Variants in GPHN observed in about 807,000 individuals in gnomAD.
GPHN encodes the protein gephyrin.
In GPHN, 17 loss-of-function variants were observed where a neutral mutation model predicts 95.5. The observed-to-expected ratio is 0.18, with a 90% CI of 0.12 to 0.27. The LOEUF (loss-of-function observed/expected upper bound fraction) is 0.27, where lower values mean the gene tolerates loss of function less well. Ranked by LOEUF, GPHN falls within the 10% of genes least tolerant of loss-of-function variation. The pLI is 1.00. For missense variants in GPHN, 660 were observed against 978.1 expected (o/e 0.67, Z 4.34); for synonymous variants, 320 against 322.5 (o/e 0.99, Z 0.08).
the GPHN span, among the ~76,000 whole-genome samples, chr14:67,637,276 G>A: frequency 0.12 from 18,766 of 151,830 alleles, 1,422 homozygotes; most frequent in South Asian, 0.33. Flanking sequence ...TGGGCATGGT[G>A]GTGCATGCCT....
chr14:67,596,252 C>G, the GPHN span, among the ~76,000 whole-genome samples: 1 of 148,650 alleles, frequency 6.7e-6, no homozygotes, highest in Non-Finnish European at 1.5e-5. Context: ...CCTCAGCCTC[C>G]CTAGTAGCTG....
intron 2 of GPHN, among the ~76,000 whole-genome samples, chr14:66,762,449 A>G (rs1274713563): frequency 6.6e-6 from 1 of 152,048 alleles, no homozygotes; most frequent in Admixed American, 6.6e-5. Context: ...AATGATAATT[A>G]CCTTTCCATG....
intron 1 of GPHN, among the ~76,000 whole-genome samples, chr14:66,610,496 C>T (rs991396042): frequency 6.6e-6 from 1 of 152,046 alleles, no homozygotes; most frequent in Non-Finnish European, 1.5e-5. Flanking sequence ...ATATTTTGGT[C>T]TCTCTTGGTG....
At chr14:67,735,282 G>A in the GPHN span, 1 of 930,132 alleles carries the variant, frequency 1.1e-6, no homozygotes, top group Non-Finnish European at 1.8e-6. Flanking sequence ...ATCGCCTCGT[G>A]CTCAGGCTAC....
At chr14:67,695,800 G>C in the GPHN span, 1 of 1,160,348 alleles carries the variant, frequency 8.6e-7, no homozygotes, top group Non-Finnish European at 1.3e-6. Flanking sequence ...AATTGCGACA[G>C]CCCGGGGAGC....
the GPHN span, among the ~76,000 whole-genome samples, chr14:67,389,550 A>G: frequency 6.6e-6 from 1 of 152,026 alleles, no homozygotes; most frequent in African/African-American, 2.4e-5. Flanking sequence ...GTTTCCATCT[A>G]TGTATGTATA....
chr14:66,535,279 A>G (rs369439514), intron 1 of GPHN, among the ~76,000 whole-genome samples: 27 of 152,276 alleles, frequency 1.8e-4, no homozygotes, highest in African/African-American at 6.0e-4. Context: ...CACTTTTGAT[A>G]TAAATCAGGT....
chr14:67,395,625 G>C, the GPHN span: 1 of 1,579,690 alleles, frequency 6.3e-7, no homozygotes, highest in Non-Finnish European at 8.7e-7. Context: ...CTCAGGCAGA[G>C]CAAGAGGACG....
chr14:67,392,249 C>T, the GPHN span: 5 of 991,932 alleles, frequency 5.0e-6, no homozygotes, highest in African/African-American at 1.6e-5. Context: ...TCAGCCCTTC[C>T]CTTCTTCTGG....
chr14:67,574,592 G>A, the GPHN span, among the ~76,000 whole-genome samples: 663 of 152,296 alleles, frequency 4.4e-3, 8 homozygotes, highest in African/African-American at 0.015. The surrounding 1 kb of genome is among the most constrained non-coding windows in gnomAD (Gnocchi z 4.2). Flanking sequence ...GTGATTCCCC[G>A]GAAACAAATC....
chr14:66,738,269 C>G (rs1248636121), intron 2 of GPHN, among the ~76,000 whole-genome samples: 2 of 152,158 alleles, frequency 1.3e-5, no homozygotes, highest in African/African-American at 4.8e-5. Context: ...TTTTCTGTTT[C>G]AGTTTAAAAT....
At chr14:66,771,424 T>A (rs1177506134) in intron 2 of GPHN, among the ~76,000 whole-genome samples, 1 of 152,158 alleles carries the variant, frequency 6.6e-6, no homozygotes, top group Non-Finnish European at 1.5e-5. Flanking sequence ...AACAAGACAT[T>A]CTTGAAGAAG....
intron 1 of GPHN, among the ~76,000 whole-genome samples, chr14:66,545,469 C>T (rs868028684): frequency 4.8e-4 from 64 of 133,172 alleles, no homozygotes; most frequent in Middle Eastern, 4.3e-3. Context: ...TGGGCAGAGG[C>T]GCCCCTCACC....
chr14:66,936,869 T>C (rs1283051696), intron 8 of GPHN, among the ~76,000 whole-genome samples: 3 of 152,256 alleles, frequency 2.0e-5, no homozygotes, highest in African/African-American at 7.2e-5. Flanking sequence ...TGCATTTCTA[T>C]GGACAGGAAT....
chr14:67,005,677 G>T (rs765754588), intron 9 of GPHN, among the ~76,000 whole-genome samples: 3 of 151,904 alleles, frequency 2.0e-5, no homozygotes, highest in Admixed American at 1.3e-4. Context: ...AAGCGTCAAT[G>T]CATTGGTTGA....
At chr14:67,121,063 T>A (rs1320529875) in intron 16 of GPHN, among the ~76,000 whole-genome samples, 1 of 152,198 alleles carries the variant, frequency 6.6e-6, no homozygotes, top group Non-Finnish European at 1.5e-5. Flanking sequence ...TAAGCTCTGG[T>A]GTTGGCCATA....
At chr14:66,950,193 A>T (rs1270367668) in intron 8 of GPHN, among the ~76,000 whole-genome samples, 1 of 152,148 alleles carries the variant, frequency 6.6e-6, no homozygotes, top group Non-Finnish European at 1.5e-5. Context: ...GAGTTGCATA[A>T]GATAGTAGAA....
chr14:67,577,715 T>G, the GPHN span, among the ~76,000 whole-genome samples: 1 of 152,232 alleles, frequency 6.6e-6, no homozygotes, highest in South Asian at 2.1e-4. Context: ...ACTGAGAGAT[T>G]CGGACCTATT....
chr14:67,522,996 T>A, the GPHN span, among the ~76,000 whole-genome samples: 1 of 152,224 alleles, frequency 6.6e-6, no homozygotes, highest in Non-Finnish European at 1.5e-5. Context: ...TCTTGCCTAG[T>A]ACTGTGCTGT....
Sources: allele counts gnomAD v4.1 joint callset (sites outside exome capture counted in the v4.1 genomes callset), GRCh38; gene constraint gnomAD v4.1.1; non-coding constraint Gnocchi (gnomAD v3.1); transcripts MANE v1.5; gene names NCBI Gene and HGNC (gene_info 2026-07-23, HGNC 2026-07-21).